Variants in RPS6KC1 observed in about 807,000 individuals in gnomAD.
The protein encoded by RPS6KC1 is inactive ribosomal protein S6 kinase delta-1.
A neutral mutation model predicts 103.8 loss-of-function variants in RPS6KC1; 54 were observed. The ratio of observed to expected loss-of-function variants is 0.52; its 90% confidence interval spans 0.42 to 0.65. RPS6KC1 has a LOEUF of 0.65. Among genes scored for constraint, RPS6KC1 ranks in the 30% least tolerant of loss-of-function variants. RPS6KC1 has a pLI of 0.00. For synonymous variants in RPS6KC1, 439 were observed against 438.7 expected (o/e 1.00, Z -0.01); for missense variants, 1,151 against 1,253.8 (o/e 0.92, Z 1.24).
At chr1:213,764,081 A>C in the RPS6KC1 span, among the ~76,000 whole-genome samples, 9 of 152,206 alleles carry the variant, frequency 5.9e-5, no homozygotes, top group Non-Finnish European at 1.3e-4. Flanking sequence ...TGTGTCCCCT[A>C]ATTGAAGTGA....
In RPS6KC1 at chr1:213,274,182, T is replaced by C. The variant is rs1475777278; in HGVS notation, c.*1548T>C. ...GTTGGGGAGCAGGTCACCAGGATCA[T>C]AGTTCAGTCAAAATGACATCACTCC... On this transcript the variant is annotated 3_prime_UTR_variant, in exon 15 of 15. Coordinates refer to ENST00000366960, the MANE Select transcript of RPS6KC1 (RefSeq NM_012424.6). 6.6e-6 allele frequency: 1 copy of C among 152,226 alleles called. No individual in the cohort carries two copies. Among genetic ancestry groups the C allele is most frequent in the African/African-American group, 2.4e-5 (1 of 41,460 alleles). 9.4% of individuals were successfully genotyped at this position (152,226 alleles called of 1,614,324 possible).
At chr1:213,398,194 GC>G in the RPS6KC1 span, among the ~76,000 whole-genome samples, 16 of 138,528 alleles carry the variant, frequency 1.2e-4, no homozygotes, top group Non-Finnish European at 1.5e-5. Flanking sequence ...ACCACACCTG[GC>G]CTTTTTTTTT....
At chr1:213,490,627 C>T in the RPS6KC1 span, among the ~76,000 whole-genome samples, 6 of 152,166 alleles carry the variant, frequency 3.9e-5, no homozygotes, top group Admixed American at 3.9e-4. Context: ...GATGTGTTGG[C>T]TGTTGGCTAC....
chr1:213,468,726 G>T, the RPS6KC1 span, among the ~76,000 whole-genome samples: 1 of 152,176 alleles, frequency 6.6e-6, no homozygotes, highest in African/African-American at 2.4e-5. Context: ...GTGCATATAA[G>T]ATTAAAAAAG....
At chr1:213,379,472 C>G in the RPS6KC1 span, among the ~76,000 whole-genome samples, 1 of 152,160 alleles carries the variant, frequency 6.6e-6, no homozygotes, top group African/African-American at 2.4e-5. Context: ...AAACCAGAAG[C>G]TTGGGGAGAG....
chr1:213,695,990 A>T, the RPS6KC1 span, among the ~76,000 whole-genome samples: 1 of 152,200 alleles, frequency 6.6e-6, no homozygotes, highest in Non-Finnish European at 1.5e-5. Context: ...AAGTTGAATA[A>T]GTTGGTATCT....
chr1:213,645,803 C>A, the RPS6KC1 span, among the ~76,000 whole-genome samples: 3 of 152,218 alleles, frequency 2.0e-5, no homozygotes, highest in South Asian at 6.2e-4. Context: ...CATGTGTCAA[C>A]AGCAGCACTG....
At chr1:213,786,202 C>T in the RPS6KC1 span, among the ~76,000 whole-genome samples, 2 of 152,142 alleles carry the variant, frequency 1.3e-5, no homozygotes. Flanking sequence ...ATGAGCAGGA[C>T]TGGGACAAAG....
the RPS6KC1 span, among the ~76,000 whole-genome samples, chr1:213,742,660 C>A: frequency 6.6e-6 from 1 of 152,232 alleles, no homozygotes; most frequent in Non-Finnish European, 1.5e-5. Context: ...AAGGTCTGGG[C>A]AAAGCTGCCA....
chr1:213,552,372 C>T, the RPS6KC1 span, among the ~76,000 whole-genome samples: 1 of 152,212 alleles, frequency 6.6e-6, no homozygotes, highest in Non-Finnish European at 1.5e-5. Context: ...CACATCCTTG[C>T]CAGCATTTGG....
At chr1:213,235,657 G>A (rs116248935) in intron 10 of RPS6KC1, among the ~76,000 whole-genome samples, 1 of 152,164 alleles carries the variant, frequency 6.6e-6, no homozygotes, top group Non-Finnish European at 1.5e-5. Context: ...AGCAGGATCA[G>A]TGTGGCTGGA....
At chr1:213,449,639 A>C in the RPS6KC1 span, among the ~76,000 whole-genome samples, 1 of 152,214 alleles carries the variant, frequency 6.6e-6, no homozygotes, top group East Asian at 1.9e-4. Flanking sequence ...GAATTTTTGC[A>C]GGACACAATT....
the RPS6KC1 span, among the ~76,000 whole-genome samples, chr1:213,348,187 A>G: frequency 1.3e-5 from 2 of 152,340 alleles, no homozygotes; most frequent in Admixed American, 1.3e-4. Context: ...TTTTCATTCA[A>G]TGGCTTTGAG....
intron 3 of RPS6KC1, among the ~76,000 whole-genome samples, chr1:213,088,686 A>G (rs1332616221): frequency 1.3e-5 from 2 of 152,066 alleles, no homozygotes; most frequent in African/African-American, 4.8e-5. Flanking sequence ...TTTTTATATT[A>G]AACTTTTCCC....
chr1:213,323,167 C>T, the RPS6KC1 span, among the ~76,000 whole-genome samples: 2 of 152,014 alleles, frequency 1.3e-5, no homozygotes, highest in African/African-American at 2.4e-5. Flanking sequence ...TCTGACCCTC[C>T]TCTTTCCCAT....
chr1:213,221,839 A>G (rs898030628), intron 8 of RPS6KC1, among the ~76,000 whole-genome samples: 2 of 152,238 alleles, frequency 1.3e-5, no homozygotes, highest in African/African-American at 2.4e-5. Flanking sequence ...TAAACAAAGT[A>G]TATTTTGAAT....
chr1:213,533,314 T>G, the RPS6KC1 span, among the ~76,000 whole-genome samples: 1 of 152,120 alleles, frequency 6.6e-6, no homozygotes, highest in African/African-American at 2.4e-5. Flanking sequence ...AGAAGACTTT[T>G]GAGGAACTGA....
intron 6 of RPS6KC1, among the ~76,000 whole-genome samples, chr1:213,153,351 T>TA (rs1491445419): frequency 6.6e-6 from 1 of 151,924 alleles, no homozygotes; most frequent in Non-Finnish European, 1.5e-5. Context: ...GCAGAGGCAT[T>TA]ATATGTTTTT....
chr1:213,740,223 A>G, the RPS6KC1 span, among the ~76,000 whole-genome samples: 23 of 152,294 alleles, frequency 1.5e-4, no homozygotes, highest in East Asian at 3.9e-3. Flanking sequence ...AATTCCTGCT[A>G]TAACATCATA....
Sources: gnomAD v4.1 joint callset for allele counts (sites outside exome capture counted in the v4.1 genomes callset) on GRCh38, gnomAD v4.1.1 for gene constraint, MANE v1.5 for transcripts, NCBI Gene and HGNC (gene_info 2026-07-23, HGNC 2026-07-21) for gene names.